ATF7IP: variants seen among roughly 807,000 people sequenced by gnomAD.
The protein encoded by ATF7IP is activating transcription factor 7-interacting protein 1.
In ATF7IP, 23 loss-of-function variants were observed where a neutral mutation model predicts 106.4. The observed-to-expected ratio is 0.22, with a 90% CI of 0.16 to 0.31. ATF7IP has a LOEUF of 0.31. Among genes scored for constraint, ATF7IP ranks in the 10% least tolerant of loss-of-function variants. ATF7IP has a pLI of 1.00. For missense variants in ATF7IP, 1,334 were observed against 1,524.3 expected (o/e 0.88, Z 2.08); for synonymous variants, 542 against 539.0 (o/e 1.01, Z -0.08).
At chr12:14,485,723 G>T (rs1202759546) in intron 13 of ATF7IP, among the ~76,000 whole-genome samples, 2 of 152,198 alleles carry the variant, frequency 1.3e-5, no homozygotes, top group Non-Finnish European at 2.9e-5. Flanking sequence ...AAAAGGATTT[G>T]CCAAGTCAAT....
At chr12:14,366,647 G>A (rs1394210934) in intron 1 of ATF7IP, among the ~76,000 whole-genome samples, 1 of 152,080 alleles carries the variant, frequency 6.6e-6, no homozygotes, top group East Asian at 1.9e-4. Flanking sequence ...AGTTTCTTAG[G>A]TGACTTGTTC....
rs1212728244 is a variant in ATF7IP at position 14,452,446 on chromosome 12, GTTTTTC to G, written c.1996-4110_1996-4105del. ...ATTCCTTTGTGTTTCATTGCTTTTT[GTTTTTC>G]TTTTGGTATAGTAGTGTGCTTTCAT... On this transcript the variant is annotated intron_variant, in intron 6 of 14. Transcript: ENST00000261168. 2.0e-5 allele frequency among the ~76,000 whole-genome samples: 3 copies of G among 151,544 alleles called. No homozygotes were observed. In the East Asian group the frequency reaches 5.8e-4, roughly 29 times the overall value.
intron 1 of ATF7IP, among the ~76,000 whole-genome samples, chr12:14,405,849 C>G (rs1940550749): frequency 6.6e-6 from 1 of 152,136 alleles, no homozygotes; most frequent in Non-Finnish European, 1.5e-5. Flanking sequence ...AGTTGCTATA[C>G]TAATTGTTCT....
At chr12:14,480,249 T>G (rs1944390643) in intron 12 of ATF7IP, among the ~76,000 whole-genome samples, 1 of 152,168 alleles carries the variant, frequency 6.6e-6, no homozygotes, top group East Asian at 1.9e-4. Context: ...AAGATATGAT[T>G]CTAATTCAGA....
At chr12:14,432,549 T>C (rs7298671) in intron 2 of ATF7IP, among the ~76,000 whole-genome samples, 152,111 of 152,320 alleles carry the variant, frequency 1, 75,952 homozygotes, top group Non-Finnish European at 1. Context: ...TTTTAGTAAT[T>C]CTGTGTACTG....
chr12:14,423,115 T>A (rs989007777), intron 1 of ATF7IP, among the ~76,000 whole-genome samples: 1 of 152,200 alleles, frequency 6.6e-6, no homozygotes, highest in African/African-American at 2.4e-5. Flanking sequence ...ATTGTGGTTT[T>A]GACTTGCGTT....
Position 14,461,149 on chromosome 12 carries a change from G to C in ATF7IP, c.2797+16G>C, listed in dbSNP as rs1361716918. ...CCAAGAATTGGTAAGTCACCATGTA[G>C]GTTTAATACTAGAAATGCAAGCATC... On this transcript the variant is annotated intron_variant, in intron 9 of 14. Coordinates refer to ENST00000261168, the MANE Select transcript of ATF7IP (RefSeq NM_018179.5). 1.3e-6 allele frequency: 2 copies of C among 1,593,728 alleles called. No homozygotes were observed. Among genetic ancestry groups the C allele is most frequent in the South Asian group, 2.2e-5 (2 of 89,168 alleles).
At chr12:14,465,344 GA>G (rs1343721226) in intron 9 of ATF7IP, among the ~76,000 whole-genome samples, 4 of 151,908 alleles carry the variant, frequency 2.6e-5, no homozygotes, top group Non-Finnish European at 5.9e-5. Context: ...AAATGCAAAT[GA>G]ATGTATTTTA....
chr12:14,426,100 C>T (rs983690203), intron 2 of ATF7IP, among the ~76,000 whole-genome samples: 3 of 152,004 alleles, frequency 2.0e-5, no homozygotes, highest in Non-Finnish European at 4.4e-5. Flanking sequence ...TGATATTGTC[C>T]GTCTATGTCT....
At chr12:14,454,580 T>C (rs571138879) in intron 6 of ATF7IP, among the ~76,000 whole-genome samples, 27 of 152,328 alleles carry the variant, frequency 1.8e-4, no homozygotes, top group African/African-American at 6.5e-4. Context: ...GTAAATGCAA[T>C]GTATTTTCCT....
At position 14,481,011 on chromosome 12, in the gene ATF7IP, A is replaced by T. The variant is rs766353449; in HGVS notation, c.3106A>T (p.Thr1036Ser). The T allele has an allele frequency of 3.1e-6, 5 of 1,613,776 alleles. No homozygotes were observed. Among genetic ancestry groups the T allele is most frequent in the Non-Finnish European group, 8.5e-7 (1 of 1,179,874 alleles). ...TIHLLPTAPT[T>S]VNVTHRPVTQ... ...TTTCTGCCTTGCATTAGCTCCAACT[A>T]CCGTGAATGTAACACATCGTCCAGT... The change falls in exon 13 of 15, where the codon ACC becomes TCC. Residue 1036 changes from threonine (T) to serine (S), a missense_variant. By Grantham distance (58) the Thr-to-Ser change is moderately conservative. Transcript: ENST00000261168.
chr12:14,383,937 C>G (rs1212620038), intron 1 of ATF7IP, among the ~76,000 whole-genome samples: 2 of 152,034 alleles, frequency 1.3e-5, no homozygotes, highest in Non-Finnish European at 2.9e-5. Context: ...TGGCTTGGAT[C>G]AAGTTTAACT....
At chr12:14,464,507 A>G (rs1420823332) in intron 9 of ATF7IP, among the ~76,000 whole-genome samples, 1 of 152,140 alleles carries the variant, frequency 6.6e-6, no homozygotes, top group Non-Finnish European at 1.5e-5. Context: ...ATTTACTTTT[A>G]TTTGTATTTT....
chr12:14,432,633 G>C (rs1942196112), intron 2 of ATF7IP, among the ~76,000 whole-genome samples: 1 of 152,090 alleles, frequency 6.6e-6, no homozygotes, highest in African/African-American at 2.4e-5. Context: ...AATGATCCTT[G>C]TCCTTGCCTA....
rs778669490 is a variant in ATF7IP, at chr12:14,425,471, C to T, written c.1556C>T (p.Pro519Leu). 6.5e-7 allele frequency: 1 copy of T among 1,537,422 alleles called. No homozygotes were observed. Among genetic ancestry groups the T allele is most frequent in the Non-Finnish European group, 8.7e-7 (1 of 1,145,996 alleles). ...ATATCGCAAAATGAAACGTGCTCTC[C>T]AGGTTAGCATATAACTTAAATGTTA... ...EVISQNETCS[P>L]AEVESNEKDN... The change falls in exon 2 of 15, where the codon CCA becomes CTA. Residue 519 changes from proline to leucine, a missense_variant and splice_region_variant. Transcript: ENST00000261168.
intron 12 of ATF7IP, among the ~76,000 whole-genome samples, chr12:14,479,280 A>G (rs750089216): frequency 2.2e-4 from 33 of 152,222 alleles, no homozygotes; most frequent in Non-Finnish European, 3.5e-4. Flanking sequence ...AATGTGTCTT[A>G]TCTTGAAATA....
chr12:14,500,993 A>G lies in ATF7IP; in HGVS notation c.*2920A>G, dbSNP rs951989055. The G allele has an allele frequency of 6.6e-6, 1 of 152,202 alleles. No individual in the cohort carries two copies. Among genetic ancestry groups the G allele is most frequent in the African/African-American group, 2.4e-5 (1 of 41,466 alleles). 9.4% of individuals were successfully genotyped at this position (152,202 alleles called of 1,614,324 possible). On this transcript the variant is annotated 3_prime_UTR_variant, in exon 15 of 15. Transcript: ENST00000261168. ...GATGGTGTCCTCAAATTAGCCTACC[A>G]TGGCACGTAGGGGCAGCAGCTATAT...
chr12:14,372,785 A>G (rs538052829), intron 1 of ATF7IP, among the ~76,000 whole-genome samples: 1 of 152,110 alleles, frequency 6.6e-6, no homozygotes, highest in East Asian at 1.9e-4. Flanking sequence ...TGTTGTTTGT[A>G]TAGCCCTATG....
At chr12:14,437,592 T>TTTAA (rs1453739242) in intron 4 of ATF7IP, among the ~76,000 whole-genome samples, 1 of 152,202 alleles carries the variant, frequency 6.6e-6, no homozygotes, top group East Asian at 1.9e-4. Flanking sequence ...TATGGAACTT[T>TTTAA]TTAAAAGTTT....
Sources: gnomAD v4.1 joint callset for allele counts (sites outside exome capture counted in the v4.1 genomes callset) on GRCh38, gnomAD v4.1.1 for gene constraint, MANE v1.5 for transcripts, NCBI Gene and HGNC (gene_info 2026-07-23, HGNC 2026-07-21) for gene names.